ADAMTSL1: variants seen among roughly 807,000 people sequenced by gnomAD.
The protein encoded by ADAMTSL1 is ADAMTS-like protein 1.
A neutral mutation model predicts 201.8 loss-of-function variants in ADAMTSL1; 126 were observed. That is an observed-to-expected ratio of 0.62 (90% CI 0.54 to 0.72). The LOEUF is 0.72. Among genes scored for constraint, ADAMTSL1 ranks in the 30% least tolerant of loss-of-function variants. The pLI is 0.00. For synonymous variants in ADAMTSL1, 1,121 were observed against 903.4 expected (o/e 1.24, Z -4.32); for missense variants, 2,679 against 2,277.8 (o/e 1.18, Z -3.59).
chr9:18,888,454 C>G (rs919404537), intron 24 of ADAMTSL1, among the ~76,000 whole-genome samples: 1 of 152,208 alleles, frequency 6.6e-6, no homozygotes, highest in Non-Finnish European at 1.5e-5. Context: ...CCAGTGCCTG[C>G]TGATCATTCT....
At chr9:18,414,341 A>G (rs189698937) in intron 2 of ADAMTSL1, among the ~76,000 whole-genome samples, 1 of 152,196 alleles carries the variant, frequency 6.6e-6, no homozygotes, top group Admixed American at 6.5e-5. Flanking sequence ...CAAATGAGAG[A>G]CTTCTTAATT....
chr9:18,315,720 C>T (rs1042641930), intron 2 of ADAMTSL1, among the ~76,000 whole-genome samples: 1 of 152,204 alleles, frequency 6.6e-6, no homozygotes, highest in Non-Finnish European at 1.5e-5. Context: ...CCCTCCACAC[C>T]TCCCGGCAAG....
intron 7 of ADAMTSL1, among the ~76,000 whole-genome samples, chr9:18,640,224 C>T (rs1485672568): frequency 6.6e-6 from 1 of 152,112 alleles, no homozygotes; most frequent in African/African-American, 2.4e-5. Context: ...CCTCCGTCTC[C>T]ATCTGCATGG....
At chr9:17,983,359 T>G (rs891673477) in intron 1 of ADAMTSL1, among the ~76,000 whole-genome samples, 10 of 151,942 alleles carry the variant, frequency 6.6e-5, no homozygotes, top group Admixed American at 6.6e-4. Flanking sequence ...GTGAGCCACC[T>G]CGCCCGGCCC....
intron 9 of ADAMTSL1, among the ~76,000 whole-genome samples, chr9:18,669,985 G>A (rs1028442220): frequency 6.6e-6 from 1 of 152,102 alleles, no homozygotes; most frequent in Non-Finnish European, 1.5e-5. Context: ...TGCTACTCAC[G>A]AAATAGCAAA....
chr9:18,164,588 T>G (rs146723396), intron 2 of ADAMTSL1, among the ~76,000 whole-genome samples: 19 of 151,868 alleles, frequency 1.3e-4, no homozygotes, highest in African/African-American at 3.4e-4. Flanking sequence ...TTTGTGAGAA[T>G]TGGACAGACA....
At chr9:18,639,065 C>G (rs1468920894) in intron 6 of ADAMTSL1, among the ~76,000 whole-genome samples, 189 bp from the exon 7 acceptor site, 9 of 152,102 alleles carry the variant, frequency 5.9e-5, no homozygotes, top group African/African-American at 2.2e-4. Context: ...AATTTCAACT[C>G]CAGCATAAAT....
At chr9:17,945,619 T>C (rs1827431076) in intron 1 of ADAMTSL1, among the ~76,000 whole-genome samples, 1 of 152,122 alleles carries the variant, frequency 6.6e-6, no homozygotes, top group Non-Finnish European at 1.5e-5. Context: ...ATATACACCA[T>C]GGAATACTAT....
intron 1 of ADAMTSL1, among the ~76,000 whole-genome samples, chr9:17,990,716 C>T (rs917893232): frequency 1.3e-5 from 2 of 151,948 alleles, no homozygotes; most frequent in Non-Finnish European, 2.9e-5. Context: ...GTGGTCATAA[C>T]CATTGCTTTT....
At chr9:18,561,105 G>A (rs1223236407) in intron 3 of ADAMTSL1, among the ~76,000 whole-genome samples, 1 of 151,700 alleles carries the variant, frequency 6.6e-6, no homozygotes, top group Non-Finnish European at 1.5e-5. Flanking sequence ...GCTTCCCTAG[G>A]TCTTGTAATT....
chr9:18,403,565 G>A (rs1486688865), intron 2 of ADAMTSL1, among the ~76,000 whole-genome samples: 2 of 152,134 alleles, frequency 1.3e-5, no homozygotes, highest in Non-Finnish European at 2.9e-5. Flanking sequence ...CTAATACAGA[G>A]CCTAACACAT....
intron 2 of ADAMTSL1, among the ~76,000 whole-genome samples, chr9:18,309,831 A>C (rs1834049493): frequency 6.6e-6 from 1 of 151,998 alleles, no homozygotes; most frequent in African/African-American, 2.4e-5. Context: ...TAAAAAAAAA[A>C]CACTACTTCA....
At chr9:18,512,271 G>A (rs1818082215) in intron 2 of ADAMTSL1, among the ~76,000 whole-genome samples, 1 of 151,912 alleles carries the variant, frequency 6.6e-6, no homozygotes, top group Non-Finnish European at 1.5e-5. Context: ...CCTTTCCGGA[G>A]GCAAATGCGC....
chr9:18,048,846 A>G (rs576548130), intron 1 of ADAMTSL1, among the ~76,000 whole-genome samples: 1 of 152,272 alleles, frequency 6.6e-6, no homozygotes, highest in African/African-American at 2.4e-5. Flanking sequence ...CAGGGCTGCT[A>G]TGGCAAAGTA....
At chr9:18,565,434 C>G (rs572178992) in intron 3 of ADAMTSL1, among the ~76,000 whole-genome samples, 1 of 151,766 alleles carries the variant, frequency 6.6e-6, no homozygotes, top group Admixed American at 6.6e-5. Context: ...TTCCAAAAGA[C>G]TTGAGAGTTT....
intron 9 of ADAMTSL1, among the ~76,000 whole-genome samples, chr9:18,665,683 C>T (rs1480083573): frequency 6.6e-6 from 1 of 152,006 alleles, no homozygotes; most frequent in African/African-American, 2.4e-5. Flanking sequence ...TCTTTACTTT[C>T]CCATCTCATT....
At chr9:18,187,624 A>C (rs1828796135) in intron 2 of ADAMTSL1, among the ~76,000 whole-genome samples, 1 of 152,074 alleles carries the variant, frequency 6.6e-6, no homozygotes, top group Non-Finnish European at 1.5e-5. Flanking sequence ...TACACAAGAA[A>C]AGTTGGAATT....
chr9:18,558,886 C>A (rs143417329), intron 3 of ADAMTSL1, among the ~76,000 whole-genome samples: 112 of 152,052 alleles, frequency 7.4e-4, no homozygotes, highest in African/African-American at 2.6e-3. Flanking sequence ...TGTTTAAGTT[C>A]TTTATAGATT....
chr9:17,974,595 T>C (rs140077238), intron 1 of ADAMTSL1, among the ~76,000 whole-genome samples: 1 of 151,996 alleles, frequency 6.6e-6, no homozygotes, highest in African/African-American at 2.4e-5. Context: ...TTAGACTCCA[T>C]ATATGTGAGA....
Sources: allele counts gnomAD v4.1 joint callset (sites outside exome capture counted in the v4.1 genomes callset), GRCh38; gene constraint gnomAD v4.1.1; transcripts MANE v1.5; gene names NCBI Gene and HGNC (gene_info 2026-07-23, HGNC 2026-07-21).